NIN: variants seen among roughly 807,000 people sequenced by gnomAD.
NIN encodes the protein ninein.
NIN carries 137 observed loss-of-function variants against 257.6 expected under a neutral mutation model. The ratio of observed to expected loss-of-function variants is 0.53; its 90% CI spans 0.46 to 0.61. The LOEUF is 0.61. Ranked by LOEUF, NIN falls within the 20% of genes least tolerant of loss-of-function variation. The pLI, the probability that NIN is intolerant of heterozygous loss-of-function variation, is 0.00. For missense variants in NIN, 2,439 were observed against 2,501.2 expected, an observed-to-expected ratio of 0.98 and a Z score of 0.53; for synonymous variants, 918 against 919.8, an observed-to-expected ratio of 1.00 and a Z score of 0.04.
intron 4 of NIN, among the ~76,000 whole-genome samples, chr14:50,793,666 T>C (rs1167345854): frequency 1.3e-5 from 2 of 152,032 alleles, no homozygotes; most frequent in African/African-American, 2.4e-5. Context: ...TTGTCTCAGG[T>C]TCAACACTGA....
rs761152866 is a variant in NIN, at chr14:50,757,902, T to A, written c.3128A>T (p.Glu1043Val). 33 of 1,613,930 alleles carry A rather than the reference T, an allele frequency of 2.0e-5. No individual in the cohort carries two copies. The highest frequency in any genetic ancestry group is 2.7e-5 in the Non-Finnish European group (32 of 1,179,984). The change falls in exon 18 of 31, where the codon GAG (glutamate) becomes GTG (valine). Residue 1043 changes from glutamate (E) to valine (V), a missense_variant. Around this residue, in one of 3 missense-constraint regions of NIN, gnomAD observed 2,043 missense variants for 2,050.2 expected, o/e 1.00. Coordinates refer to ENST00000530997, the MANE Select transcript of NIN (RefSeq NM_020921.4). The part of the protein sequence containing the change: ...QSGCQVIGEE[E>V]VEGDGALSLL... ...GGACAGGGCTCCATCTCCTTCCACC[T>A]CCTCCTCTCCTATCACCTGGCAACC...
intron 12 of NIN, among the ~76,000 whole-genome samples, chr14:50,768,413 T>C (rs1398647974): frequency 1.3e-5 from 2 of 152,194 alleles, no homozygotes; most frequent in Non-Finnish European, 2.9e-5. Context: ...TCAGATACTG[T>C]TGTTATCTTG....
At chr14:50,827,001 G>A (rs918714294) in intron 2 of NIN, among the ~76,000 whole-genome samples, 2 of 152,180 alleles carry the variant, frequency 1.3e-5, no homozygotes, top group African/African-American at 2.4e-5. Context: ...GATGAACACC[G>A]ACAAACCCCA....
At chr14:50,809,391 G>A (rs2044479440) in intron 3 of NIN, among the ~76,000 whole-genome samples, 1 of 152,166 alleles carries the variant, frequency 6.6e-6, no homozygotes. Context: ...AACTGATCCA[G>A]TTTGCTATAT....
chr14:50,728,154 A>C (rs577064152), intron 29 of NIN, among the ~76,000 whole-genome samples: 30 of 152,244 alleles, frequency 2.0e-4, no homozygotes, highest in African/African-American at 6.3e-4. Context: ...TGGAAACAGC[A>C]GGCTTTGAAA....
intron 3 of NIN, among the ~76,000 whole-genome samples, chr14:50,810,455 G>A (rs2044540466): frequency 6.6e-6 from 1 of 152,114 alleles, no homozygotes; most frequent in Non-Finnish European, 1.5e-5. Context: ...TATTTGGGAG[G>A]CTGAAATAAG....
At chr14:50,811,942 C>A (rs1008689512) in intron 3 of NIN, among the ~76,000 whole-genome samples, 36 of 127,910 alleles carry the variant, frequency 2.8e-4, no homozygotes, top group Non-Finnish European at 8.3e-5. Context: ...TGCAGTGAGC[C>A]AAGACTCCGT....
intron 29 of NIN, among the ~76,000 whole-genome samples, chr14:50,729,235 AGATTTAG>A (rs1595698445): frequency 6.6e-6 from 1 of 151,720 alleles, no homozygotes; most frequent in Non-Finnish European, 1.5e-5. Flanking sequence ...CTCTGAAAGA[AGATTTAG>A]GATTGTGATT....
In NIN at chr14:50,722,189, T is replaced by A. The variant is rs556312628; in HGVS notation, c.*1274A>T. 3 of 227,390 alleles carry A rather than the reference T, an allele frequency of 1.3e-5. No individual in the cohort carries two copies. The highest frequency in any genetic ancestry group is 6.7e-5 in the African/African-American group (3 of 45,108). 14.1% of individuals were successfully genotyped at this position (227,390 alleles called of 1,614,324 possible). A position where few individuals can be genotyped will look rare whatever the true frequency, so the allele number is the denominator to read the frequency against. On this transcript the variant is annotated 3_prime_UTR_variant, in exon 31 of 31. Transcript: ENST00000530997. Reference sequence around the variant, plus strand: ...AAAAAAAAGGTTACCGAATCTAAAATGTTGACTGTTCTATAAAGTTTTGAT... The same window carrying A: ...AAAAAAAAGGTTACCGAATCTAAAAAGTTGACTGTTCTATAAAGTTTTGAT...
chr14:50,728,439 G>C (rs1285543122), intron 29 of NIN, among the ~76,000 whole-genome samples: 3 of 152,190 alleles, frequency 2.0e-5, no homozygotes, highest in Admixed American at 6.5e-5. Context: ...AAGTTTATTA[G>C]AACTGACAAG....
intron 3 of NIN, among the ~76,000 whole-genome samples, chr14:50,810,688 G>A (rs760070989): frequency 1.6e-4 from 24 of 151,900 alleles, no homozygotes; most frequent in Non-Finnish European, 3.4e-4. Context: ...TTGAGATGGA[G>A]TCTGGCTCTG....
Position 50,757,229 on chromosome 14 carries a change from T to G in NIN, c.3801A>C (p.Arg1267Ser). The G allele has an allele frequency of 1.2e-6, 2 of 1,614,168 alleles. No homozygotes were observed. The highest frequency in any genetic ancestry group is 1.7e-6 in the Non-Finnish European group (2 of 1,180,028). Residue 1267 changes from arginine to serine, a missense_variant, in exon 18 of 31, where the codon AGA becomes AGC. Arg to Ser is a moderately radical substitution (Grantham distance 110). This residue lies in a region of NIN where 2,043 missense variants were observed against 2,050.2 expected (regional missense o/e 1.00). Coordinates refer to ENST00000530997, the MANE Select transcript of NIN (RefSeq NM_020921.4). ...RENDCLQEEL[R>S]MMETRYDEAL... ...CCTCATCGTAGCGTGTCTCCATCAT[T>G]CTCAGCTCTTCCTGAAGGCAGTCAT...
chr14:50,819,253 T>C (rs1472156377), intron 3 of NIN, among the ~76,000 whole-genome samples: 2 of 152,178 alleles, frequency 1.3e-5, no homozygotes, highest in Non-Finnish European at 2.9e-5. Flanking sequence ...TAGTTTACAG[T>C]AAATGTAAAT....
chr14:50,778,848 A>G (rs1772489727), intron 5 of NIN, 44 bp from the exon 6 acceptor site: 7 of 1,595,654 alleles, frequency 4.4e-6, no homozygotes, highest in Non-Finnish European at 6.0e-6. Flanking sequence ...GAACTTATTC[A>G]GAAAGAACTA....
Position 50,806,689 on chromosome 14 carries a change from G to A in NIN, c.265+48C>T, listed in dbSNP as rs376501703. 7.4e-5 allele frequency: 76 copies of A among 1,022,160 alleles called. No homozygotes were observed. The Middle Eastern group carries it at 8.3e-4, about 11-fold the overall frequency. The allele number at this position is 1,022,160 out of a possible 1,614,324, so 63.3% of individuals were successfully genotyped here. A position where few individuals can be genotyped will look rare whatever the true frequency, so the allele number is the denominator to read the frequency against. ...CTTCAAGGTCCCCAGATTCTTCCCCGGACAACTTTTAAAGGGGAAGGCAGA... is the reference window on the plus strand; with the variant it reads ...CTTCAAGGTCCCCAGATTCTTCCCCAGACAACTTTTAAAGGGGAAGGCAGA... On this transcript the variant is annotated intron_variant, in intron 4 of 30. Transcript: ENST00000530997.
rs1455323934 is a variant in NIN, at chr14:50,752,751, A to G, written c.4735-18T>C. ...TCTGAAATCTAATTAAAATTAAAATAAGTTTTTCAAACTTGTTACCCTACT... is the reference window on the plus strand; with the variant it reads ...TCTGAAATCTAATTAAAATTAAAATGAGTTTTTCAAACTTGTTACCCTACT... On this transcript the variant is annotated intron_variant, in intron 20 of 30. Coordinates refer to ENST00000530997, the MANE Select transcript of NIN (RefSeq NM_020921.4). 9 of 1,467,838 alleles carry G rather than the reference A, an allele frequency of 6.1e-6. No individual in the cohort carries two copies. The highest frequency in any genetic ancestry group is 8.4e-6 in the Non-Finnish European group (9 of 1,074,250). The allele number at this position is 1,467,838 out of a possible 1,614,324, so 90.9% of individuals were successfully genotyped here.
chr14:50,756,304 A>T (rs1415884509), intron 18 of NIN, among the ~76,000 whole-genome samples, 188 bp downstream of exon 18: 1 of 152,166 alleles, frequency 6.6e-6, no homozygotes, highest in Non-Finnish European at 1.5e-5. Flanking sequence ...GCTACAGCGG[A>T]AGGGAATGCC....
intron 4 of NIN, among the ~76,000 whole-genome samples, chr14:50,793,706 GCTGCCATCACCA>G (rs998492608): frequency 1.2e-4 from 19 of 152,134 alleles, no homozygotes; most frequent in Middle Eastern, 3.4e-3. Flanking sequence ...CACCACCACT[GCTGCCATCACCA>G]CTGCCATCAC....
In NIN at chr14:50,729,520, T is replaced by C. The variant is rs752874486; in HGVS notation, c.6078+3A>G. ...ATCTACTAGAGTAGAGAGAGCTTCA[T>C]ACCTGTGGTGTGTTGGTTTCGGAGG... On this transcript the variant is annotated splice_donor_region_variant and intron_variant, in intron 29 of 30. Coordinates refer to ENST00000530997, the MANE Select transcript of NIN (RefSeq NM_020921.4). The C allele has an allele frequency of 4.3e-5, 69 of 1,612,682 alleles. No individual in the cohort carries two copies. Among genetic ancestry groups the C allele is most frequent in the Non-Finnish European group, 5.8e-5 (68 of 1,179,244 alleles).
Sources: gnomAD v4.1 joint callset for allele counts (sites outside exome capture counted in the v4.1 genomes callset) on GRCh38, gnomAD v4.1.1 for gene constraint, gnomAD v4.1.1 regional missense constraint, MANE v1.5 for transcripts, NCBI Gene and HGNC (gene_info 2026-07-23, HGNC 2026-07-21) for gene names.